LRMDA: variants seen among roughly 807,000 people sequenced by gnomAD.
The protein encoded by LRMDA is leucine-rich melanocyte differentiation-associated protein.
In LRMDA, 18 loss-of-function variants were observed where a neutral mutation model predicts 29.8. The ratio of observed to expected loss-of-function variants is 0.60; its 90% CI spans 0.42 to 0.90. LRMDA has a LOEUF of 0.90. Among genes scored for constraint, LRMDA ranks in the 40% least tolerant of loss-of-function variants. The pLI, the probability that LRMDA is intolerant of heterozygous loss-of-function variation, is 0.00. For missense variants in LRMDA, 273 were observed against 273.9 expected (o/e 1.00, Z 0.02); for synonymous variants, 125 against 109.4 (o/e 1.14, Z -0.89).
chr10:76,309,311 T>C (rs557007728), intron 5 of LRMDA, among the ~76,000 whole-genome samples: 43 of 152,202 alleles, frequency 2.8e-4, no homozygotes, highest in Admixed American at 2.0e-4. Context: ...CAGGAGCCAG[T>C]GTCCAGTGGG....
chr10:75,701,467 C>T (rs1842307472), intron 2 of LRMDA, among the ~76,000 whole-genome samples: 1 of 152,188 alleles, frequency 6.6e-6, no homozygotes, highest in South Asian at 2.1e-4. Context: ...AAGCAGCTTT[C>T]ACTCCAAGTG....
intron 5 of LRMDA, among the ~76,000 whole-genome samples, chr10:76,140,546 A>G (rs1334277109): frequency 2.6e-5 from 4 of 152,072 alleles, no homozygotes; most frequent in Non-Finnish European, 4.4e-5. Context: ...ATGAGTTATC[A>G]CTGGAGCTCA....
intron 5 of LRMDA, among the ~76,000 whole-genome samples, chr10:76,105,274 T>G (rs532501760): frequency 6.6e-6 from 1 of 152,268 alleles, no homozygotes; most frequent in East Asian, 1.9e-4. Flanking sequence ...AAAGGCAGGA[T>G]TTCGTTACCG....
At chr10:75,524,837 G>A (rs1181606292) in intron 2 of LRMDA, among the ~76,000 whole-genome samples, 1 of 152,138 alleles carries the variant, frequency 6.6e-6, no homozygotes, top group East Asian at 1.9e-4. Flanking sequence ...AGATGTGCAA[G>A]CTGATGTGGG....
At chr10:75,929,164 ATACAGCACAAGG>A (rs1846168578) in intron 2 of LRMDA, among the ~76,000 whole-genome samples, 1 of 152,140 alleles carries the variant, frequency 6.6e-6, no homozygotes, top group Non-Finnish European at 1.5e-5. Context: ...AGTGCACTAG[ATACAGCACAAGG>A]TAGGGTGTGA....
chr10:75,962,026 G>T (rs1846777181), intron 2 of LRMDA, among the ~76,000 whole-genome samples: 1 of 152,036 alleles, frequency 6.6e-6, no homozygotes, highest in African/African-American at 2.4e-5. Context: ...ATCTCCCCTT[G>T]GTGTAAGGAC....
At chr10:76,321,321 T>C (rs531409526) in intron 5 of LRMDA, among the ~76,000 whole-genome samples, 1 of 152,324 alleles carries the variant, frequency 6.6e-6, no homozygotes, top group African/African-American at 2.4e-5. Context: ...ACAGTTTCTT[T>C]TTCCTTTGTT....
chr10:76,007,809 G>A (rs1166690736), intron 2 of LRMDA, among the ~76,000 whole-genome samples: 3 of 152,166 alleles, frequency 2.0e-5, no homozygotes, highest in East Asian at 1.9e-4. Flanking sequence ...AAGGGGAGCC[G>A]AGGCCGTCTT....
intron 2 of LRMDA, among the ~76,000 whole-genome samples, chr10:75,744,333 G>T (rs568823051): frequency 1.5e-4 from 23 of 152,276 alleles, no homozygotes; most frequent in African/African-American, 5.5e-4. Context: ...ATTTAGAGAG[G>T]TTTCATACTG....
chr10:75,912,388 A>G (rs557427672), intron 2 of LRMDA, among the ~76,000 whole-genome samples: 1 of 152,300 alleles, frequency 6.6e-6, no homozygotes, highest in South Asian at 2.1e-4. Context: ...TGGGTGACAG[A>G]ATCCAAATAG....
chr10:76,102,853 T>TGTTGCCCAGGCTGGCCTTTAA (rs1394300787), intron 5 of LRMDA, among the ~76,000 whole-genome samples: 19 of 152,156 alleles, frequency 1.2e-4, no homozygotes, highest in Admixed American at 1.2e-3. Context: ...TAGGGTCCTC[T>TGTTGCCCAGGCTGGCCTTTAA]GTTGCCCAGG....
At chr10:75,571,662 T>C (rs1840439288) in intron 2 of LRMDA, among the ~76,000 whole-genome samples, 1 of 152,164 alleles carries the variant, frequency 6.6e-6, no homozygotes, top group Admixed American at 6.5e-5. Flanking sequence ...CAGGGAAAGG[T>C]ACCTTGGCTT....
chr10:76,391,438 C>G (rs1841722980), intron 6 of LRMDA, among the ~76,000 whole-genome samples: 2 of 152,170 alleles, frequency 1.3e-5, no homozygotes, highest in African/African-American at 4.8e-5. Context: ...GTAAAGATAA[C>G]CTACTATGTA....
intron 5 of LRMDA, among the ~76,000 whole-genome samples, chr10:76,263,541 C>A (rs1327771604): frequency 6.6e-6 from 1 of 152,164 alleles, no homozygotes; most frequent in Non-Finnish European, 1.5e-5. Context: ...ATTACTCAAG[C>A]TTCTACATAA....
At chr10:76,410,607 GCCC>G (rs1165547843) in intron 6 of LRMDA, among the ~76,000 whole-genome samples, 18 of 151,904 alleles carry the variant, frequency 1.2e-4, no homozygotes, top group African/African-American at 3.6e-4. Flanking sequence ...CCGTGGCCCA[GCCC>G]CCATCAAGAA....
intron 2 of LRMDA, among the ~76,000 whole-genome samples, chr10:75,583,884 G>C (rs1840625132): frequency 6.6e-6 from 1 of 152,074 alleles, no homozygotes; most frequent in Non-Finnish European, 1.5e-5. Context: ...TCCTGTTTTA[G>C]CAGGCCTATG....
intron 6 of LRMDA, among the ~76,000 whole-genome samples, chr10:76,445,469 A>T (rs1842345812): frequency 6.6e-6 from 1 of 152,142 alleles, no homozygotes; most frequent in South Asian, 2.1e-4. Context: ...GGCATCACGG[A>T]TGTTTATTTG....
At chr10:75,460,446 T>C (rs1589150336) in intron 2 of LRMDA, among the ~76,000 whole-genome samples, 1 of 152,182 alleles carries the variant, frequency 6.6e-6, no homozygotes, top group East Asian at 1.9e-4. Flanking sequence ...AAAACACTGG[T>C]CTAACATTTT....
intron 6 of LRMDA, among the ~76,000 whole-genome samples, chr10:76,517,542 C>A (rs548448602): frequency 6.6e-6 from 1 of 151,664 alleles, no homozygotes; most frequent in South Asian, 2.1e-4. Context: ...TTGGTATGGA[C>A]AAAATGGAAA....
Sources: gnomAD v4.1 joint callset for allele counts (sites outside exome capture counted in the v4.1 genomes callset) on GRCh38, gnomAD v4.1.1 for gene constraint, MANE v1.5 for transcripts, NCBI Gene and HGNC (gene_info 2026-07-23, HGNC 2026-07-21) for gene names.